Variants in TTLL4 observed in about 807,000 individuals in gnomAD.
TTLL4 encodes tubulin tyrosine ligase like 4.
In TTLL4, 85 loss-of-function variants were observed where a neutral mutation model predicts 122.7. The observed-to-expected ratio is 0.69, with a 90% CI of 0.58 to 0.83. The LOEUF (loss-of-function observed/expected upper bound fraction) is 0.83, where lower values mean the gene tolerates loss of function less well. TTLL4 is among the 40% of genes least tolerant of loss of function. The pLI is 0.00. For synonymous variants in TTLL4, 553 were observed against 563.0 expected, an observed-to-expected ratio of 0.98 and a Z score of 0.25; for missense variants, 1,363 against 1,488.6, an observed-to-expected ratio of 0.92 and a Z score of 1.39.
chr2:218,722,483 A>G (rs1033421333), intron 1 of TTLL4, among the ~76,000 whole-genome samples: 2 of 152,150 alleles, frequency 1.3e-5, no homozygotes, highest in Non-Finnish European at 2.9e-5. Context: ...ACAATATTAG[A>G]TAGGATTGAC....
chr2:218,714,821 C>T (rs1941811556), intron 1 of TTLL4, among the ~76,000 whole-genome samples: 1 of 151,946 alleles, frequency 6.6e-6, no homozygotes, highest in African/African-American at 2.4e-5. Context: ...ATTGCCCAGG[C>T]TGGTCTCGAA....
Position 218,754,115 on chromosome 2 carries a change from C to T in TTLL4, c.3345-19C>T, listed in dbSNP as rs1259276033. On this transcript the variant is annotated intron_variant, in intron 19 of 19. Transcript: ENST00000392102. Reference sequence around the variant, plus strand: ...TAAACAGTGTCTCAGTCATTTCTTTCACCACCTATTCCCTCCAGAAAACAA... The same window carrying T: ...TAAACAGTGTCTCAGTCATTTCTTTTACCACCTATTCCCTCCAGAAAACAA... The T allele has an allele frequency of 1.2e-6, 2 of 1,613,522 alleles. No individual in the cohort carries two copies.
chr2:218,727,156 C>T (rs979950771), intron 1 of TTLL4, 113 bp from the exon 2 acceptor site: 3 of 152,220 alleles, frequency 2.0e-5, no homozygotes, highest in African/African-American at 7.2e-5. Flanking sequence ...TTAGCTCCCT[C>T]TTGAATACCA....
At chr2:218,713,096 A>C (rs995727303) in intron 1 of TTLL4, among the ~76,000 whole-genome samples, 2 of 152,130 alleles carry the variant, frequency 1.3e-5, no homozygotes, top group Admixed American at 1.3e-4. Context: ...ACCTATTTTA[A>C]GACTGGGTGT....
At chr2:218,734,765 G>A (rs1325486072) in intron 2 of TTLL4, among the ~76,000 whole-genome samples, 3 of 152,172 alleles carry the variant, frequency 2.0e-5, no homozygotes, top group Non-Finnish European at 4.4e-5. Context: ...CCCGAAAGAG[G>A]ATTAAGTGAC....
chr2:218,746,003 G>C (rs1203408158), intron 7 of TTLL4, 152 bp from the exon 8 acceptor site: 1 of 948,400 alleles, frequency 1.1e-6, no homozygotes, highest in Non-Finnish European at 1.7e-6. Flanking sequence ...CCATTGTTCT[G>C]TCCCTGGCCC....
Position 218,754,122 on chromosome 2 carries a change from T to C in TTLL4, c.3345-12T>C, listed in dbSNP as rs1575186740. ...TGTCTCAGTCATTTCTTTCACCACC[T>C]ATTCCCTCCAGAAAACAAAGCTCCT... On this transcript the variant is annotated splice_polypyrimidine_tract_variant and intron_variant, in intron 19 of 19. Coordinates refer to ENST00000392102, the MANE Select transcript of TTLL4 (RefSeq NM_014640.5). 7 of 1,614,038 alleles carry C rather than the reference T, an allele frequency of 4.3e-6. No individual in the cohort carries two copies. In the East Asian group the frequency reaches 1.6e-4, roughly 36 times the overall value.
intron 1 of TTLL4, among the ~76,000 whole-genome samples, chr2:218,715,418 C>G (rs1284065154): frequency 6.6e-6 from 1 of 152,184 alleles, no homozygotes; most frequent in African/African-American, 2.4e-5. Context: ...GGATCTGTCT[C>G]ACTTTGACTG....
intron 2 of TTLL4, among the ~76,000 whole-genome samples, chr2:218,730,460 A>G (rs1476365458): frequency 2.6e-5 from 4 of 151,630 alleles, no homozygotes; most frequent in Admixed American, 2.0e-4. Context: ...GTGAGCTGAG[A>G]TCATGCCACT....
intron 1 of TTLL4, among the ~76,000 whole-genome samples, chr2:218,712,676 C>T (rs1230256597): frequency 2.0e-5 from 3 of 152,178 alleles, no homozygotes; most frequent in South Asian, 2.1e-4. Flanking sequence ...TGTGAGCCAC[C>T]GCGCCCGGCC....
intron 5 of TTLL4, among the ~76,000 whole-genome samples, chr2:218,744,350 CT>C: frequency 6.6e-6 from 1 of 152,124 alleles, no homozygotes. Context: ...AAGGAATGAT[CT>C]TGGTCTCTCA....
At chr2:218,713,043 T>C (rs553913202) in intron 1 of TTLL4, among the ~76,000 whole-genome samples, 1 of 152,228 alleles carries the variant, frequency 6.6e-6, no homozygotes, top group African/African-American at 2.4e-5. Flanking sequence ...TTTAAAGAGA[T>C]TTCTTTTAGT....
intron 1 of TTLL4, among the ~76,000 whole-genome samples, chr2:218,719,525 G>A (rs751500095): frequency 6.7e-6 from 1 of 150,062 alleles, no homozygotes; most frequent in Non-Finnish European, 1.5e-5. Context: ...GACCAGCGCA[G>A]TTCACATAAC....
chr2:218,749,946 A>C (rs1333973621), intron 14 of TTLL4, 63 bp from the exon 15 acceptor site: 2 of 1,583,348 alleles, frequency 1.3e-6, no homozygotes, highest in Non-Finnish European at 1.7e-6. Flanking sequence ...CCTGAGTTGC[A>C]CATATGACCA....
At chr2:218,751,510 A>G (rs1269731632) in intron 15 of TTLL4, 194 bp from the exon 16 acceptor site, 1 of 638,672 alleles carries the variant, frequency 1.6e-6, no homozygotes, top group East Asian at 1.4e-4. Flanking sequence ...GTATCCTTTT[A>G]CTTAATATTT....
chr2:218,753,991 T>G, intron 19 of TTLL4, 143 bp from the exon 20 acceptor site: 1 of 1,264,918 alleles, frequency 7.9e-7, no homozygotes. Context: ...AGAATTTTTT[T>G]TATGGTTATT....
At chr2:218,744,441 A>G (rs1197890686) in intron 5 of TTLL4, among the ~76,000 whole-genome samples, 1 of 152,144 alleles carries the variant, frequency 6.6e-6, no homozygotes. Flanking sequence ...TTGTTGGATT[A>G]ACAGTAGGGA....
At chr2:218,740,629 C>G (rs780019172) in intron 5 of TTLL4, 45 bp downstream of exon 5, 4 of 1,598,634 alleles carry the variant, frequency 2.5e-6, no homozygotes, top group Non-Finnish European at 2.6e-6. Flanking sequence ...CATCTTTTGT[C>G]TCTTAAAGAT....
chr2:218,754,605 C>A lies in TTLL4; in HGVS notation c.*216C>A. The A allele has an allele frequency of 1.5e-6, 1 of 649,276 alleles. No individual in the cohort carries two copies. Among genetic ancestry groups the A allele is most frequent in the Non-Finnish European group, 2.6e-6 (1 of 388,580 alleles). The allele number at this position is 649,276 out of a possible 1,614,324, so 40.2% of individuals were successfully genotyped here. On this transcript the variant is annotated 3_prime_UTR_variant, in exon 20 of 20. Transcript: ENST00000392102. ...GTGAGGAAGGGTCACCCTCTGTCACCTGTCTGCCTGGCTGGCACCTCATAT... is the reference window on the plus strand; with the variant it reads ...GTGAGGAAGGGTCACCCTCTGTCACATGTCTGCCTGGCTGGCACCTCATAT...
Sources: gnomAD v4.1 joint callset for allele counts (sites outside exome capture counted in the v4.1 genomes callset) on GRCh38, gnomAD v4.1.1 for gene constraint, MANE v1.5 for transcripts, NCBI Gene and HGNC (gene_info 2026-07-23, HGNC 2026-07-21) for gene names.